The following LIX1L variants were observed in gnomAD, a reference collection of about 807,000 sequenced individuals.
LIX1L encodes limb and CNS expressed 1 like.
In LIX1L, 20 loss-of-function variants were observed where a neutral mutation model predicts 34.0. The ratio of observed to expected loss-of-function variants is 0.59; its 90% confidence interval spans 0.41 to 0.85. The LOEUF (loss-of-function observed/expected upper bound fraction) is 0.85. Ranked by LOEUF, LIX1L falls within the 40% of genes least tolerant of loss-of-function variation. The pLI, the probability that LIX1L is intolerant of heterozygous loss-of-function variation, is 0.00. For missense variants in LIX1L, 397 were observed against 447.0 expected (o/e 0.89, Z 1.01); for synonymous variants, 170 against 187.4 (o/e 0.91, Z 0.76).
In LIX1L at chr1:145,934,587, A is replaced by AAGAAAAAG. The variant is rs1648558855; in HGVS notation, c.*1722_*1723insCTTTTTCT. On this transcript the variant is annotated 3_prime_UTR_variant, in exon 6 of 6. Coordinates refer to ENST00000604000, the MANE Select transcript of LIX1L (RefSeq NM_153713.3). ...AGACTCCGTCTCAAAAAAAAAAAAAACACACAAATAGTTTGGGAGGCCGAG... is the reference window on the plus strand; with the variant it reads ...AGACTCCGTCTCAAAAAAAAAAAAAAAGAAAAAGCACACAAATAGTTTGGGAGGCCGAG... 1 of 132,554 alleles carries AAGAAAAAG rather than the reference A, an allele frequency of 7.5e-6. No individual in the cohort carries two copies. The highest frequency in any genetic ancestry group is 2.8e-5 in the African/African-American group (1 of 35,820). 8.2% of individuals were successfully genotyped at this position (132,554 alleles called of 1,614,324 possible). A position where few individuals can be genotyped will look rare whatever the true frequency, so the allele number is the denominator to read the frequency against.
chr1:145,934,699 T>TG lies in LIX1L; in HGVS notation c.*1610dup, dbSNP rs1216184762. The TG allele has an allele frequency of 6.8e-6, 1 of 146,272 alleles. No individual in the cohort carries two copies. The highest frequency in any genetic ancestry group is 2.5e-5 in the African/African-American group (1 of 39,244). The allele number at this position is 146,272 out of a possible 1,614,324, so 9.1% of individuals were successfully genotyped here. A position where few individuals can be genotyped will look rare whatever the true frequency, so the allele number is the denominator to read the frequency against. ...TCTACTAAAAATACAAAAAATTAGC[T>TG]GGGCGTGGTGGTGGGCACCTGTAAT... On this transcript the variant is annotated 3_prime_UTR_variant, in exon 6 of 6. Transcript: ENST00000604000.
intron 3 of LIX1L, 68 bp downstream of exon 3, chr1:145,942,645 T>G: frequency 6.9e-7 from 1 of 1,441,262 alleles, no homozygotes; most frequent in Non-Finnish European, 9.7e-7. Flanking sequence ...TCACAGTAAT[T>G]TACGACTTCC....
chr1:145,937,688 C>T lies in LIX1L; in HGVS notation c.609G>A (p.Glu203=). 1.9e-6 allele frequency: 3 copies of T among 1,609,374 alleles called. No individual in the cohort carries two copies. The highest frequency in any genetic ancestry group is 2.2e-5 in the East Asian group (1 of 44,882). The change falls in exon 4 of 6, where the codon GAG becomes GAA. Residue 203 remains glutamate (E), a synonymous_variant. Coordinates refer to ENST00000604000, the MANE Select transcript of LIX1L (RefSeq NM_153713.3). The stretch of plus-strand genomic sequence containing the variant: ...TCCCTGTATTTGGGTTGTCAGCTTC[C>T]TCCCTGTTGCCCTGGTAGTAGAGGA... ...EALASFNGNR[E]EADNPNTGIG...
chr1:145,936,084 T>C lies in LIX1L; in HGVS notation c.*226A>G, dbSNP rs1553757728. On this transcript the variant is annotated 3_prime_UTR_variant, in exon 6 of 6. Transcript: ENST00000604000. ...ACAAAGCTGCAAAGACAAGCTGCTC[T>C]TTGTTGTAAAGTGGACTGAAGATGT... 3.8e-6 allele frequency: 2 copies of C among 525,348 alleles called. No homozygotes were observed. The highest frequency in any genetic ancestry group is 1.9e-5 in the African/African-American group (1 of 51,964). The allele number at this position is 525,348 out of a possible 1,614,324, so 32.5% of individuals were successfully genotyped here. A position where few individuals can be genotyped will look rare whatever the true frequency, so the allele number is the denominator to read the frequency against.
chr1:145,951,253 G>T (rs1553759813), intron 1 of LIX1L, among the ~76,000 whole-genome samples: 1 of 152,082 alleles, frequency 6.6e-6, no homozygotes. Context: ...CACCATATTG[G>T]TCAGGCTGGT....
rs2101890702 is a variant in LIX1L at position 145,935,638 on chromosome 1, A to G, written c.*672T>C. On this transcript the variant is annotated 3_prime_UTR_variant, in exon 6 of 6. Transcript: ENST00000604000. ...ATATCCAGAAATCTAGACTACTAGT[A>G]TGGTATACATATGCCCTAGAAGCAA... 1 of 152,908 alleles carries G rather than the reference A, an allele frequency of 6.5e-6. No homozygotes were observed. The highest frequency in any genetic ancestry group is 1.9e-4 in the East Asian group (1 of 5,290). The allele number at this position is 152,908 out of a possible 1,614,324, so 9.5% of individuals were successfully genotyped here.
At chr1:145,944,643 A>C (rs745690635) in intron 2 of LIX1L, 4 of 152,330 alleles carry the variant, frequency 2.6e-5, no homozygotes, top group African/African-American at 9.6e-5. Context: ...ACTCAAACCC[A>C]TCTTGAATTT....
At chr1:145,938,434 G>A (rs1300588324) in intron 3 of LIX1L, among the ~76,000 whole-genome samples, 7 of 152,150 alleles carry the variant, frequency 4.6e-5, no homozygotes, top group African/African-American at 1.2e-4. Flanking sequence ...AGCATGGACT[G>A]GAGCTCCTAC....
intron 2 of LIX1L, among the ~76,000 whole-genome samples, chr1:145,945,638 C>G (rs1001123053): frequency 1.7e-4 from 26 of 150,880 alleles, no homozygotes; most frequent in African/African-American, 6.3e-4. Context: ...CTCCCAGCTA[C>G]TTGGGAGGCT....
chr1:145,954,436 G>C (rs937449499), intron 1 of LIX1L, among the ~76,000 whole-genome samples: 2 of 152,152 alleles, frequency 1.3e-5, no homozygotes, highest in African/African-American at 4.8e-5. Context: ...TTACAGAAAA[G>C]AAGCTATCTG....
At chr1:145,954,013 T>C (rs1419012017) in intron 1 of LIX1L, among the ~76,000 whole-genome samples, 9 of 151,434 alleles carry the variant, frequency 5.9e-5, no homozygotes, top group Non-Finnish European at 1.2e-4. Context: ...TGAGCTATGA[T>C]TGCACCACTG....
In LIX1L at chr1:145,957,670, C is replaced by T. The variant is rs1649527736; in HGVS notation, c.258G>A (p.Arg86=). ...AGCCCTGCGTGTGCTTGGCGAAGCT[C>T]CTCACCACGGCCTCCACGGCCTCTC... ...VLREAVEAVV[R]SFAKHTQGYG... Residue 86 remains arginine (R), a synonymous_variant, in exon 1 of 6, where the codon AGG becomes AGA. Coordinates refer to ENST00000604000, the MANE Select transcript of LIX1L (RefSeq NM_153713.3). 9 of 1,541,636 alleles carry T rather than the reference C, an allele frequency of 5.8e-6. No homozygotes were observed. The highest frequency in any genetic ancestry group is 7.8e-6 in the Non-Finnish European group (9 of 1,149,664).
At chr1:145,943,777 T>G (rs1311772246) in intron 2 of LIX1L, among the ~76,000 whole-genome samples, 2 of 152,070 alleles carry the variant, frequency 1.3e-5, no homozygotes, top group African/African-American at 4.8e-5. Context: ...GGCTCACACC[T>G]GTAATCCCAG....
chr1:145,936,780 A>C (rs1339240954), intron 5 of LIX1L, 128 bp downstream of exon 5: 18 of 811,868 alleles, frequency 2.2e-5, no homozygotes, highest in Non-Finnish European at 3.8e-5. Flanking sequence ...GAGGGTACTT[A>C]GGTAAGGCTT....
At position 145,936,350 on chromosome 1, in the gene LIX1L, G is replaced by A; in HGVS notation, c.974C>T (p.Ala325Val). The change falls in exon 6 of 6, where the codon GCT becomes GTT. Residue 325 changes from alanine (A) to valine (V), a missense_variant. Physicochemically the swap from Ala to Val is moderately conservative, Grantham distance 64 (BLOSUM62 0). Around this residue, in one of 3 missense-constraint regions of LIX1L, gnomAD observed 174 missense variants for 204.0 expected, o/e 0.85. Transcript: ENST00000604000. ...HKEKKDILVL[A>V]AGQLGNMHSS... is the part of the protein sequence containing the mutation. The stretch of plus-strand genomic sequence containing the variant: ...ATGCATATTGCCCAACTGCCCAGCA[G>A]CCAGCACAAGAATATCTTTCTTCTC... The A allele has an allele frequency of 6.2e-7, 1 of 1,614,164 alleles. No individual in the cohort carries two copies.
At chr1:145,955,185 A>G (rs181515923) in intron 1 of LIX1L, among the ~76,000 whole-genome samples, 401 of 152,362 alleles carry the variant, frequency 2.6e-3, no homozygotes, top group Middle Eastern at 6.8e-3. Context: ...TGACAGGGCT[A>G]GGTCCTCTGA....
intron 4 of LIX1L, 31 bp downstream of exon 4, chr1:145,937,572 TA>T (rs1553758002): frequency 7.4e-7 from 1 of 1,358,684 alleles, no homozygotes; most frequent in South Asian, 1.2e-5. Context: ...TGACCCATGT[TA>T]TTAGAACCAG....
At chr1:145,947,555 G>A (rs1335959645) in intron 2 of LIX1L, 64 bp downstream of exon 2, 2 of 1,543,332 alleles carry the variant, frequency 1.3e-6, no homozygotes, top group African/African-American at 1.4e-5. Context: ...GGCCAAAGTG[G>A]TGGAGAAAGC....
intron 2 of LIX1L, among the ~76,000 whole-genome samples, chr1:145,945,756 A>G (rs1649080012): frequency 6.7e-6 from 1 of 150,100 alleles, no homozygotes. Context: ...CTCAAAAAAA[A>G]AAAAAAAAAG....
Sources: allele counts gnomAD v4.1 joint callset (sites outside exome capture counted in the v4.1 genomes callset), GRCh38; gene constraint gnomAD v4.1.1; regional missense constraint gnomAD v4.1.1; transcripts MANE v1.5; gene names NCBI Gene and HGNC (gene_info 2026-07-23, HGNC 2026-07-21).